DLGAP2: variants seen among roughly 807,000 people sequenced by gnomAD.
DLGAP2 encodes the protein disks large-associated protein 2.
Under a neutral mutation model 100.3 loss-of-function variants are expected in DLGAP2, and 26 were observed. That is an observed-to-expected ratio of 0.26 (90% CI 0.19 to 0.36). The LOEUF (loss-of-function observed/expected upper bound fraction) is 0.36, where lower values mean the gene tolerates loss of function less well. DLGAP2 is among the 10% of genes least tolerant of loss of function. The pLI, the probability that DLGAP2 is intolerant of heterozygous loss-of-function variation, is 1.00. For missense variants in DLGAP2, 1,858 were observed against 1,453.2 expected (o/e 1.28, Z -4.53); for synonymous variants, 886 against 630.1 (o/e 1.41, Z -6.08).
intron 6 of DLGAP2, among the ~76,000 whole-genome samples, chr8:1,623,330 C>T (rs984960100): frequency 6.6e-6 from 1 of 152,112 alleles, no homozygotes; most frequent in Non-Finnish European, 1.5e-5. Flanking sequence ...TGTGTGATGA[C>T]CTGGCACCAG....
At chr8:961,610 T>C (rs1386698692) in intron 2 of DLGAP2, among the ~76,000 whole-genome samples, 1 of 152,238 alleles carries the variant, frequency 6.6e-6, no homozygotes, top group East Asian at 1.9e-4. Context: ...ATATTTTCCT[T>C]AAATTTATAC....
intron 6 of DLGAP2, among the ~76,000 whole-genome samples, chr8:1,592,186 C>G (rs1405795914): frequency 6.6e-6 from 1 of 152,242 alleles, no homozygotes; most frequent in Non-Finnish European, 1.5e-5. Flanking sequence ...GGCCGCAGCT[C>G]TCCATGGTTC....
chr8:1,309,199 A>G (rs10091046), intron 3 of DLGAP2, among the ~76,000 whole-genome samples: 220 of 152,344 alleles, frequency 1.4e-3, no homozygotes, highest in Non-Finnish European at 2.3e-3. Context: ...GGAGAAATAA[A>G]AGCCAAAAAC....
intron 3 of DLGAP2, among the ~76,000 whole-genome samples, chr8:1,417,357 G>A (rs986367595): frequency 6.6e-6 from 1 of 152,002 alleles, no homozygotes; most frequent in African/African-American, 2.4e-5. Flanking sequence ...AGAAGCCCTT[G>A]AAGCTAGCAG....
chr8:983,903 G>A (rs1800413454), intron 2 of DLGAP2, among the ~76,000 whole-genome samples: 1 of 152,200 alleles, frequency 6.6e-6, no homozygotes, highest in Admixed American at 6.5e-5. Flanking sequence ...GGCTCCCAAA[G>A]TGCTGGGAGT....
chr8:1,303,380 G>C (rs1320970055), intron 3 of DLGAP2, among the ~76,000 whole-genome samples: 1 of 141,156 alleles, frequency 7.1e-6, no homozygotes, highest in African/African-American at 2.7e-5. Flanking sequence ...CTGGGCGACA[G>C]AGCGAGACTC....
intron 3 of DLGAP2, among the ~76,000 whole-genome samples, chr8:1,418,624 G>A (rs1049213901): frequency 6.6e-5 from 10 of 152,192 alleles, no homozygotes; most frequent in African/African-American, 1.7e-4. Flanking sequence ...TTTCCTTCTC[G>A]ACACCAAATG....
At chr8:1,538,080 A>C (rs1192128389) in intron 4 of DLGAP2, among the ~76,000 whole-genome samples, 1 of 152,180 alleles carries the variant, frequency 6.6e-6, no homozygotes, top group Non-Finnish European at 1.5e-5. Flanking sequence ...GGGCACCTGC[A>C]GGGCTCGGGG....
intron 3 of DLGAP2, among the ~76,000 whole-genome samples, chr8:1,277,056 A>C (rs60054151): frequency 0.011 from 1,665 of 152,266 alleles, 23 homozygotes; most frequent in African/African-American, 0.038. Context: ...AGCTGTTTCT[A>C]ATCATTTTTC....
intron 3 of DLGAP2, among the ~76,000 whole-genome samples, chr8:1,380,854 A>C (rs1184417606): frequency 6.6e-6 from 1 of 151,226 alleles, no homozygotes; most frequent in African/African-American, 2.4e-5. Flanking sequence ...ACTTAAGAAA[A>C]TAAAGCCATA....
At chr8:1,116,550 C>G (rs912445234) in intron 2 of DLGAP2, among the ~76,000 whole-genome samples, 2 of 152,144 alleles carry the variant, frequency 1.3e-5, no homozygotes, top group African/African-American at 2.4e-5. Context: ...AATCCCTGCA[C>G]TTAGGGAGGC....
At chr8:896,557 G>C (rs1798146265) in intron 1 of DLGAP2, among the ~76,000 whole-genome samples, 5 of 152,174 alleles carry the variant, frequency 3.3e-5, no homozygotes, top group Admixed American at 3.3e-4. Context: ...CCAGTGGGAT[G>C]GTGCTTGGAG....
intron 1 of DLGAP2, among the ~76,000 whole-genome samples, chr8:811,221 G>C (rs987327897): frequency 1.3e-5 from 2 of 152,286 alleles, no homozygotes; most frequent in Admixed American, 1.3e-4. Flanking sequence ...TTCTGGGAAA[G>C]AGGTTTCCTC....
At chr8:1,064,740 T>C (rs1411910836) in intron 2 of DLGAP2, among the ~76,000 whole-genome samples, 3 of 152,224 alleles carry the variant, frequency 2.0e-5, no homozygotes, top group African/African-American at 7.2e-5. Context: ...CAATTATATA[T>C]AACATTTTAA....
At chr8:1,361,907 A>T (rs1056751036) in intron 3 of DLGAP2, among the ~76,000 whole-genome samples, 1 of 152,144 alleles carries the variant, frequency 6.6e-6, no homozygotes, top group African/African-American at 2.4e-5. Flanking sequence ...CCTGGGCACT[A>T]ACTGTGCTGC....
chr8:1,638,383 G>A (rs56380870), intron 8 of DLGAP2, among the ~76,000 whole-genome samples: 8,764 of 152,136 alleles, frequency 0.058, 293 homozygotes, highest in African/African-American at 0.086. Flanking sequence ...GGGAGAAGAC[G>A]GCATGTGCAC....
In DLGAP2 at chr8:858,765, G is replaced by A. The variant is rs184658125; in HGVS notation, c.19-49147G>A. Among the ~76,000 whole-genome samples the A allele has an allele frequency of 3.5e-3, 527 of 152,234 alleles. 11 individuals carry two copies. Among genetic ancestry groups the A allele is most frequent in the Admixed American group, 0.024 (372 of 15,278 alleles). On this transcript the variant is annotated intron_variant, in intron 1 of 14. Coordinates refer to ENST00000637795, the MANE Select transcript of DLGAP2 (RefSeq NM_001346810.2). Reference sequence around the variant, plus strand: ...TGATGCTGTCACCGTGGGCACATGTGTGATGCTGTCACCGTGGGCATATAT... The same window carrying A: ...TGATGCTGTCACCGTGGGCACATGTATGATGCTGTCACCGTGGGCATATAT...
chr8:1,051,756 G>A (rs1802719654), intron 2 of DLGAP2, among the ~76,000 whole-genome samples: 1 of 152,016 alleles, frequency 6.6e-6, no homozygotes, highest in Non-Finnish European at 1.5e-5. Context: ...ATGAGGCTGG[G>A]GGGCTTCACC....
chr8:1,335,349 T>A (rs1424763890), intron 3 of DLGAP2, among the ~76,000 whole-genome samples: 2 of 152,056 alleles, frequency 1.3e-5, no homozygotes, highest in Non-Finnish European at 2.9e-5. Flanking sequence ...GAAAATCGAG[T>A]TTGGCATTAC....
Sources: allele counts gnomAD v4.1 joint callset (sites outside exome capture counted in the v4.1 genomes callset), GRCh38; gene constraint gnomAD v4.1.1; transcripts MANE v1.5; gene names NCBI Gene and HGNC (gene_info 2026-07-23, HGNC 2026-07-21).